MLLT10: variants seen among roughly 807,000 people sequenced by gnomAD.
The protein encoded by MLLT10 is protein AF-10.
A neutral mutation model predicts 129.1 loss-of-function variants in MLLT10; 30 were observed. That is an observed-to-expected ratio of 0.23 (90% CI 0.17 to 0.32). The LOEUF (loss-of-function observed/expected upper bound fraction) is 0.32, where lower values mean the gene tolerates loss of function less well. MLLT10 is among the 10% of genes least tolerant of loss of function. MLLT10 has a pLI of 1.00. For missense variants in MLLT10, 1,119 were observed against 1,268.3 expected (o/e 0.88, Z 1.79); for synonymous variants, 490 against 446.4 (o/e 1.10, Z -1.23).
rs112976874 is a variant in MLLT10 at position 21,568,589 on chromosome 10, A to G, written c.241-17705A>G. 7.9e-5 allele frequency among the ~76,000 whole-genome samples: 12 copies of G among 151,996 alleles called. 1 individual carries two copies. Among genetic ancestry groups the G allele is most frequent in the African/African-American group, 2.9e-4 (12 of 41,482 alleles). On this transcript the variant is annotated intron_variant, in intron 3 of 22. Transcript: ENST00000307729. ...GCTTTAACTGTCTTAAAAATACTTG[A>G]TATTTTTGTCTTTTTTTTTACCCCT...
At chr10:21,595,945 A>G (rs1366709234) in intron 5 of MLLT10, among the ~76,000 whole-genome samples, 1 of 151,536 alleles carries the variant, frequency 6.6e-6, no homozygotes, top group Non-Finnish European at 1.5e-5. Flanking sequence ...ATTTTTCTTC[A>G]TTTAGTACAT....
intron 2 of MLLT10, among the ~76,000 whole-genome samples, 189 bp downstream of exon 2, chr10:21,534,993 C>A (rs1157959305): frequency 1.3e-5 from 2 of 149,486 alleles, no homozygotes; most frequent in Admixed American, 1.3e-4. Flanking sequence ...CCCGGACTGT[C>A]ATGTGATTCC....
chr10:21,689,661 AT>A (rs58409865), intron 13 of MLLT10, among the ~76,000 whole-genome samples: 61 of 132,358 alleles, frequency 4.6e-4, no homozygotes, highest in East Asian at 1.3e-3. Context: ...ATATATATAT[AT>A]TTTTTTTTTC....
At chr10:21,536,941 GC>G (rs1475960583) in intron 2 of MLLT10, among the ~76,000 whole-genome samples, 1 of 151,888 alleles carries the variant, frequency 6.6e-6, no homozygotes, top group Non-Finnish European at 1.5e-5. Flanking sequence ...GGACCACCAT[GC>G]CCTGCTAATT....
rs778903542 is a variant in MLLT10, at chr10:21,640,202, A to ATATAT, written c.700-11455_700-11451dup. Among the ~76,000 whole-genome samples, 74 of 144,176 alleles carry ATATAT rather than the reference A, an allele frequency of 5.1e-4. 1 individual carries two copies. The highest frequency in any genetic ancestry group is 2.1e-4 in the Admixed American group (3 of 14,044). 94.6% of individuals were successfully genotyped at this position (144,176 alleles called of 152,430 possible). A position where few individuals can be genotyped will look rare whatever the true frequency, so the allele number is the denominator to read the frequency against. ...TATCAAATATTATTATATAATATTTATATATTATATTATATTATATATTAT... is the reference window on the plus strand; with the variant it reads ...TATCAAATATTATTATATAATATTTATATATTATATTATATTATATTATATATTAT... On this transcript the variant is annotated intron_variant, in intron 8 of 22. Transcript: ENST00000307729.
At chr10:21,735,953 G>A (rs895481797) in intron 21 of MLLT10, among the ~76,000 whole-genome samples, 1 of 152,128 alleles carries the variant, frequency 6.6e-6, no homozygotes, top group Non-Finnish European at 1.5e-5. Flanking sequence ...GATTTCAAGT[G>A]TACCAAAAGT....
chr10:21,688,812 A>T (rs1589650915), intron 13 of MLLT10, among the ~76,000 whole-genome samples: 1 of 152,130 alleles, frequency 6.6e-6, no homozygotes, highest in African/African-American at 2.4e-5. Context: ...CTAGGCTCCT[A>T]GGTCTGATTT....
At chr10:21,584,534 G>A (rs754332223) in intron 3 of MLLT10, among the ~76,000 whole-genome samples, 11 of 151,652 alleles carry the variant, frequency 7.3e-5, no homozygotes, top group South Asian at 2.1e-4. Flanking sequence ...GGCTGGTCTC[G>A]AACTCCTGAC....
At chr10:21,587,460 A>G (rs562697108) in intron 4 of MLLT10, among the ~76,000 whole-genome samples, 1 of 147,798 alleles carries the variant, frequency 6.8e-6, no homozygotes, top group African/African-American at 2.5e-5. Context: ...TGACTTCTGT[A>G]TCACATTTTG....
chr10:21,541,235 T>C (rs2035095839), intron 3 of MLLT10: 1 of 152,216 alleles, frequency 6.6e-6, no homozygotes, highest in Admixed American at 6.5e-5. Context: ...ATTTTATTAT[T>C]TTGAGACAGT....
chr10:21,571,023 A>G (rs901296199), intron 3 of MLLT10, among the ~76,000 whole-genome samples: 1 of 151,916 alleles, frequency 6.6e-6, no homozygotes, highest in South Asian at 2.1e-4. Flanking sequence ...TGGGTCTTTC[A>G]TGTTTTCTTT....
chr10:21,684,839 A>G (rs1410513069), intron 13 of MLLT10, among the ~76,000 whole-genome samples: 1 of 152,152 alleles, frequency 6.6e-6, no homozygotes, highest in African/African-American at 2.4e-5. Flanking sequence ...ACGTTGCATC[A>G]ATAGAAGCTA....
At chr10:21,738,966 T>C (rs2131594413) in intron 21 of MLLT10, among the ~76,000 whole-genome samples, 1 of 152,254 alleles carries the variant, frequency 6.6e-6, no homozygotes, top group South Asian at 2.1e-4. Flanking sequence ...AGCTGCTCAC[T>C]CAGTAGCTCC....
chr10:21,618,623 C>A, intron 8 of MLLT10, among the ~76,000 whole-genome samples: 2 of 151,922 alleles, frequency 1.3e-5, no homozygotes. Flanking sequence ...TAACTTAGGG[C>A]TGTTGTTTGG....
intron 3 of MLLT10, among the ~76,000 whole-genome samples, chr10:21,565,864 C>A (rs1214359803): frequency 3.3e-5 from 5 of 151,734 alleles, no homozygotes; most frequent in South Asian, 2.1e-4. Context: ...TCATGGCCTC[C>A]CAAACTGCTG....
chr10:21,643,004 G>A (rs1264482664), intron 8 of MLLT10, among the ~76,000 whole-genome samples: 1 of 152,020 alleles, frequency 6.6e-6, no homozygotes, highest in Non-Finnish European at 1.5e-5. Context: ...TGCTTTTCCT[G>A]CTATCCAGGT....
At chr10:21,565,791 G>C (rs2039473243) in intron 3 of MLLT10, among the ~76,000 whole-genome samples, 3 of 150,942 alleles carry the variant, frequency 2.0e-5, no homozygotes, top group Non-Finnish European at 4.4e-5. Context: ...TTATTTGTAG[G>C]GACCAAGTCT....
chr10:21,616,656 A>G (rs901087205), intron 7 of MLLT10, among the ~76,000 whole-genome samples: 1 of 152,038 alleles, frequency 6.6e-6, no homozygotes, highest in East Asian at 1.9e-4. Flanking sequence ...GCAGAGATAA[A>G]TTTTTAGAAA....
chr10:21,688,443 A>G, intron 13 of MLLT10: 1 of 1,505,384 alleles, frequency 6.6e-7, no homozygotes, highest in Non-Finnish European at 9.2e-7. Flanking sequence ...GGTGGTTTTT[A>G]GGAAGTGGTG....
Sources: gnomAD v4.1 joint callset for allele counts (sites outside exome capture counted in the v4.1 genomes callset) on GRCh38, gnomAD v4.1.1 for gene constraint, MANE v1.5 for transcripts, NCBI Gene and HGNC (gene_info 2026-07-23, HGNC 2026-07-21) for gene names.